REDIC1: variants seen among roughly 807,000 people sequenced by gnomAD.
REDIC1 encodes the protein HEI10 Interacting Protein 1.
the REDIC1 span, chr12:39,829,801 C>A: frequency 2.9e-6 from 1 of 342,672 alleles, no homozygotes. Flanking sequence ...AAACAATATG[C>A]AGTGGGAGAA....
At chr12:39,716,395 A>G in the REDIC1 span, among the ~76,000 whole-genome samples, 1 of 151,988 alleles carries the variant, frequency 6.6e-6, no homozygotes, top group Non-Finnish European at 1.5e-5. Flanking sequence ...ATGCCTTAGG[A>G]CTTAATAACT....
the REDIC1 span, among the ~76,000 whole-genome samples, chr12:39,717,400 A>G: frequency 2.6e-5 from 4 of 152,180 alleles, no homozygotes; most frequent in Admixed American, 2.0e-4. Flanking sequence ...AGAAAACGTT[A>G]CTAAGGAAAT....
chr12:39,862,107 A>C, the REDIC1 span, among the ~76,000 whole-genome samples: 1 of 152,086 alleles, frequency 6.6e-6, no homozygotes, highest in South Asian at 2.1e-4. Context: ...ATTGTTCTGA[A>C]AGACATTCTT....
At chr12:39,666,986 C>T in the REDIC1 span, among the ~76,000 whole-genome samples, 1 of 151,894 alleles carries the variant, frequency 6.6e-6, no homozygotes, top group Admixed American at 6.6e-5. Context: ...GCTAGCGGTC[C>T]ATCAGTTTTG....
the REDIC1 span, among the ~76,000 whole-genome samples, chr12:39,786,739 A>G: frequency 6.6e-6 from 1 of 152,184 alleles, no homozygotes; most frequent in Admixed American, 6.5e-5. Flanking sequence ...TGGTGGGTGA[A>G]TCATTCTCTG....
At chr12:39,853,914 T>TAAG in the REDIC1 span, among the ~76,000 whole-genome samples, 1 of 152,160 alleles carries the variant, frequency 6.6e-6, no homozygotes, top group Non-Finnish European at 1.5e-5. Flanking sequence ...TTAAAAACTC[T>TAAG]TGTTTTAGTG....
At chr12:39,875,317 C>A in the REDIC1 span, among the ~76,000 whole-genome samples, 1 of 152,144 alleles carries the variant, frequency 6.6e-6, no homozygotes, top group African/African-American at 2.4e-5. Context: ...GTCTTCAAAG[C>A]CAACAATGAT....
At chr12:39,900,212 T>G in the REDIC1 span, among the ~76,000 whole-genome samples, 1 of 152,126 alleles carries the variant, frequency 6.6e-6, no homozygotes, top group Non-Finnish European at 1.5e-5. Flanking sequence ...GAGCTATCTA[T>G]GACAACCCCA....
the REDIC1 span, among the ~76,000 whole-genome samples, chr12:39,884,118 A>T: frequency 2.6e-5 from 4 of 152,148 alleles, no homozygotes; most frequent in Admixed American, 2.6e-4. Context: ...AATTCTGTAA[A>T]CTAAATCTGT....
At chr12:39,869,307 C>T in the REDIC1 span, among the ~76,000 whole-genome samples, 3 of 152,144 alleles carry the variant, frequency 2.0e-5, no homozygotes, top group Non-Finnish European at 2.9e-5. Flanking sequence ...TGGTCATTAT[C>T]TTCTAGTAGG....
chr12:39,741,383 C>G, the REDIC1 span, among the ~76,000 whole-genome samples: 1 of 152,166 alleles, frequency 6.6e-6, no homozygotes, highest in Non-Finnish European at 1.5e-5. Context: ...TGAGCATCAT[C>G]TTGTTGGAAA....
At chr12:39,803,885 C>T in the REDIC1 span, among the ~76,000 whole-genome samples, 1 of 151,900 alleles carries the variant, frequency 6.6e-6, no homozygotes, top group Non-Finnish European at 1.5e-5. Flanking sequence ...TTAGGAAGGA[C>T]AACGATCCCT....
the REDIC1 span, among the ~76,000 whole-genome samples, chr12:39,896,614 T>A: frequency 5.3e-5 from 8 of 150,930 alleles, no homozygotes; most frequent in Admixed American, 2.0e-4. Context: ...GTATATGTGT[T>A]TATATGTAAA....
the REDIC1 span, among the ~76,000 whole-genome samples, chr12:39,734,476 C>T: frequency 6.6e-6 from 1 of 152,096 alleles, no homozygotes; most frequent in Non-Finnish European, 1.5e-5. Context: ...CAAAAATTTT[C>T]TCCTGCTTTT....
the REDIC1 span, among the ~76,000 whole-genome samples, chr12:39,717,770 T>C: frequency 3.9e-5 from 6 of 152,142 alleles, no homozygotes; most frequent in African/African-American, 1.4e-4. Context: ...AAAGAGGTCT[T>C]GAGTAATCAA....
the REDIC1 span, among the ~76,000 whole-genome samples, chr12:39,808,802 C>G: frequency 6.6e-6 from 1 of 151,938 alleles, no homozygotes; most frequent in Admixed American, 6.6e-5. Context: ...TGTAAGAATT[C>G]TTTATTCATA....
At chr12:39,671,332 G>T in the REDIC1 span, among the ~76,000 whole-genome samples, 4 of 152,288 alleles carry the variant, frequency 2.6e-5, no homozygotes, top group South Asian at 6.2e-4. Context: ...TTTCCTCATT[G>T]ACTTAGGCCA....
chr12:39,647,981 C>T, the REDIC1 span: 1 of 1,493,722 alleles, frequency 6.7e-7, no homozygotes, highest in East Asian at 2.5e-5. Context: ...TGACCAGGTA[C>T]CTTTGAATCA....
the REDIC1 span, chr12:39,829,955 C>T: frequency 2.0e-6 from 2 of 976,680 alleles, no homozygotes; most frequent in East Asian, 5.4e-5. Context: ...TGCTTTGCAT[C>T]CACTATCACC....
Sources: gnomAD v4.1 joint callset for allele counts (sites outside exome capture counted in the v4.1 genomes callset) on GRCh38, gnomAD v4.1.1 for gene constraint, MANE v1.5 for transcripts, NCBI Gene and HGNC (gene_info 2026-07-23, HGNC 2026-07-21) for gene names.